ELFN2: variants seen among roughly 807,000 people sequenced by gnomAD.
The protein encoded by ELFN2 is protein phosphatase 1 regulatory subunit 29.
Under a neutral mutation model 45.5 loss-of-function variants are expected in ELFN2, and 17 were observed. The ratio of observed to expected loss-of-function variants is 0.37; its 90% confidence interval spans 0.26 to 0.56. The LOEUF is 0.56. Ranked by LOEUF, ELFN2 falls within the 20% of genes least tolerant of loss-of-function variation. The pLI is 0.77. For synonymous variants in ELFN2, 550 were observed against 551.5 expected (o/e 1.00, Z 0.04); for missense variants, 922 against 1,183.2 (o/e 0.78, Z 3.24).
Position 37,350,194 on chromosome 22 carries a change from G to A in ELFN2, n.149-7491C>T, listed in dbSNP as rs745471745. Among the ~76,000 whole-genome samples, 17 of 151,058 alleles carry A rather than the reference G, an allele frequency of 1.1e-4. 1 individual carries two copies. The highest frequency in any genetic ancestry group is 3.4e-3 in the Middle Eastern group (1 of 294). On this transcript the variant is annotated intron_variant and non_coding_transcript_variant, in intron 1 of 2. Transcript: ENST00000452946. ...TCCAAGGAGAACCTGATGCAACGGC[G>A]AAACCCCCATGTGGGCCGAGTTTGT...
intron 2 of ELFN2, among the ~76,000 whole-genome samples, chr22:37,389,631 G>A (rs996933175): frequency 3.3e-5 from 5 of 152,080 alleles, no homozygotes; most frequent in African/African-American, 1.2e-4. Flanking sequence ...ACTGAGGTGC[G>A]GACGAGGAAC....
intron 1 of ELFN2, among the ~76,000 whole-genome samples, chr22:37,342,908 G>A (rs1483068198): frequency 6.6e-6 from 1 of 152,246 alleles, no homozygotes; most frequent in Non-Finnish European, 1.5e-5. Flanking sequence ...ATTGGAAGAT[G>A]GAGAAATGGT....
At chr22:37,346,352 G>C (rs971913162) in intron 1 of ELFN2, among the ~76,000 whole-genome samples, 1 of 152,060 alleles carries the variant, frequency 6.6e-6, no homozygotes, top group South Asian at 2.1e-4. Context: ...CCGCCCCAGA[G>C]TCCAGAGTGC....
At position 37,375,379 on chromosome 22, in the gene ELFN2, G is replaced by T. The variant is rs757759685; in HGVS notation, c.156C>A (p.His52Gln). 3 of 1,614,218 alleles carry T rather than the reference G, an allele frequency of 1.9e-6. No individual in the cohort carries two copies. In the East Asian group the frequency reaches 6.7e-5, roughly 36 times the overall value. ...NQPPYETIPQ[H>Q]INSTVHDLRL... ...GCAGGTCGTGCACGGTGCTATTGAT[G>T]TGCTGCGGGATGGTCTCGTAGGGCG... The change falls in exon 3 of 3, where the codon CAC becomes CAA. Residue 52 changes from histidine to glutamine, a missense_variant. By Grantham distance (24) the His-to-Gln change is conservative (BLOSUM62 0). Around this residue, in one of 2 missense-constraint regions of ELFN2, gnomAD observed 358 missense variants for 540.4 expected, o/e 0.66. Coordinates refer to ENST00000402918, the MANE Select transcript of ELFN2 (RefSeq NM_052906.5).
Position 37,357,550 on chromosome 22 carries a change from C to T in ELFN2, n.149-14847G>A, listed in dbSNP as rs1389482600. 2.6e-5 allele frequency among the ~76,000 whole-genome samples: 4 copies of T among 152,210 alleles called. No homozygotes were observed. In the South Asian group the frequency reaches 6.2e-4, roughly 24 times the overall value. ...CACACTTCTTATGGGGAACTCACTA[C>T]ACTTCCCAAAACCATCTGTAGCAGT... On this transcript the variant is annotated intron_variant and non_coding_transcript_variant, in intron 1 of 2. Coordinates refer to ENST00000452946, the Ensembl canonical transcript of ELFN2.
intron 1 of ELFN2, among the ~76,000 whole-genome samples, chr22:37,424,691 A>G (rs1217484414): frequency 2.1e-5 from 3 of 144,862 alleles, no homozygotes; most frequent in African/African-American, 7.6e-5. Flanking sequence ...GGGGGGGGGG[A>G]TGGAATTCAC....
intron 2 of ELFN2, among the ~76,000 whole-genome samples, chr22:37,406,335 G>A (rs572563134): frequency 3.9e-5 from 6 of 152,306 alleles, no homozygotes; most frequent in African/African-American, 1.2e-4. Flanking sequence ...ACGAATGACT[G>A]CATACAAGCA....
intron 2 of ELFN2, among the ~76,000 whole-genome samples, chr22:37,392,741 T>TGCCCCACATATCTGTATATTC (rs1013307897): frequency 6.6e-6 from 1 of 152,216 alleles, no homozygotes; most frequent in African/African-American, 2.4e-5. Context: ...ACTGTATATT[T>TGCCCCACATATCTGTATATTC]GCCCCCACAT....
In ELFN2 at chr22:37,375,658, G is replaced by A; in HGVS notation, c.-124C>T. 2 of 1,242,336 alleles carry A rather than the reference G, an allele frequency of 1.6e-6. No individual in the cohort carries two copies. The highest frequency in any genetic ancestry group is 2.6e-5 in the East Asian group (1 of 38,658). The allele number at this position is 1,242,336 out of a possible 1,614,324, so 77.0% of individuals were successfully genotyped here. ...CTTGGGGGCGACCCCCAGCACGGGG[G>A]CCCCAGGCAAGGTGGGTACAGCTAG... On this transcript the variant is annotated 5_prime_UTR_variant, in exon 3 of 3. Coordinates refer to ENST00000402918, the MANE Select transcript of ELFN2 (RefSeq NM_052906.5).
intron 1 of ELFN2, among the ~76,000 whole-genome samples, chr22:37,348,807 C>T (rs5756638): frequency 0.34 from 51,393 of 149,914 alleles, 10,424 homozygotes; most frequent in South Asian, 0.39. Context: ...GTCAGCCGGA[C>T]GCTGCCAGCA....
intron 2 of ELFN2, among the ~76,000 whole-genome samples, chr22:37,342,240 C>T (rs1430832138): frequency 6.6e-6 from 1 of 152,190 alleles, no homozygotes; most frequent in African/African-American, 2.4e-5. Context: ...GCTCAAAAAC[C>T]TTCCATGGCT....
At chr22:37,349,450 G>A (rs1401432016) in intron 1 of ELFN2, among the ~76,000 whole-genome samples, 6 of 151,230 alleles carry the variant, frequency 4.0e-5, no homozygotes, top group African/African-American at 1.4e-4. Context: ...GTTCCTGAGA[G>A]GCCCCCCAGG....
intron 2 of ELFN2, among the ~76,000 whole-genome samples, chr22:37,386,772 C>T (rs1160093815): frequency 2.0e-5 from 3 of 152,228 alleles, no homozygotes; most frequent in Non-Finnish European, 4.4e-5. Flanking sequence ...GCTGCTGTGG[C>T]CACCAACTCC....
At chr22:37,398,813 G>A (rs987665992) in intron 2 of ELFN2, among the ~76,000 whole-genome samples, 1 of 151,998 alleles carries the variant, frequency 6.6e-6, no homozygotes, top group East Asian at 1.9e-4. Flanking sequence ...TCCAGCTGGT[G>A]CGGGATCTCC....
chr22:37,391,371 T>A (rs1932082688), intron 2 of ELFN2, among the ~76,000 whole-genome samples: 1 of 151,980 alleles, frequency 6.6e-6, no homozygotes, highest in African/African-American at 2.4e-5. Context: ...TCTGTACACG[T>A]CCACGGCTGA....
chr22:37,347,463 C>T (rs1174325071), intron 1 of ELFN2, among the ~76,000 whole-genome samples: 2 of 152,224 alleles, frequency 1.3e-5, no homozygotes, highest in Non-Finnish European at 2.9e-5. Flanking sequence ...ACCCACACCT[C>T]TGGCCGTGGA....
At chr22:37,412,579 G>T (rs556142501) in intron 2 of ELFN2, among the ~76,000 whole-genome samples, 2 of 152,172 alleles carry the variant, frequency 1.3e-5, no homozygotes, top group African/African-American at 4.8e-5. Context: ...CTCCAGGCCT[G>T]GCCAGTACCA....
Position 37,375,706 on chromosome 22 carries a change from A to C in ELFN2, c.-172T>G, listed in dbSNP as rs1931560216. ...TAGTGCCAACTGCTGGGGATCTTCT[A>C]GGGTGCTACAGCAGGCACTAGGCCT... On this transcript the variant is annotated 5_prime_UTR_variant, in exon 3 of 3. Transcript: ENST00000402918. 1 of 763,578 alleles carries C rather than the reference A, an allele frequency of 1.3e-6. No homozygotes were observed. Among genetic ancestry groups the C allele is most frequent in the African/African-American group, 1.8e-5 (1 of 55,894 alleles). The allele number at this position is 763,578 out of a possible 1,614,324, so 47.3% of individuals were successfully genotyped here.
chr22:37,412,638 G>C (rs754631795), intron 2 of ELFN2, among the ~76,000 whole-genome samples: 1 of 152,196 alleles, frequency 6.6e-6, no homozygotes, highest in Non-Finnish European at 1.5e-5. Flanking sequence ...TCCCACCTCT[G>C]TTGGGCACCA....
Sources: gnomAD v4.1 joint callset for allele counts (sites outside exome capture counted in the v4.1 genomes callset) on GRCh38, gnomAD v4.1.1 for gene constraint, gnomAD v4.1.1 regional missense constraint, MANE v1.5 for transcripts, NCBI Gene and HGNC (gene_info 2026-07-23, HGNC 2026-07-21) for gene names.